The following CSMD2 variants were observed in gnomAD, a reference collection of about 807,000 sequenced individuals.
The protein encoded by CSMD2 is CUB and sushi domain-containing protein 2.
A neutral mutation model predicts 398.5 loss-of-function variants in CSMD2; 130 were observed. That is an observed-to-expected ratio of 0.33 (90% confidence interval 0.28 to 0.38). CSMD2 has a LOEUF of 0.38. Among genes scored for constraint, CSMD2 ranks in the 10% least tolerant of loss-of-function variants. The pLI is 1.00. For missense variants in CSMD2, 3,829 were observed against 4,764.9 expected (o/e 0.80, Z 5.78); for synonymous variants, 1,828 against 1,908.5 (o/e 0.96, Z 1.10).
At chr1:33,933,514 C>A (rs1644376294) in intron 4 of CSMD2, among the ~76,000 whole-genome samples, 1 of 152,208 alleles carries the variant, frequency 6.6e-6, no homozygotes, top group Non-Finnish European at 1.5e-5. Flanking sequence ...TATTTCATAA[C>A]TTAGACACTT....
chr1:33,901,656 T>G (rs1642765365), intron 5 of CSMD2, among the ~76,000 whole-genome samples: 1 of 152,180 alleles, frequency 6.6e-6, no homozygotes, highest in Non-Finnish European at 1.5e-5. Flanking sequence ...AGGCTAAACT[T>G]TAGCAGCTCC....
rs116139873 is a variant in CSMD2, at chr1:33,996,101, A to G, written c.517+36493T>C. Among the ~76,000 whole-genome samples the G allele has an allele frequency of 8.2e-3, 1,252 of 152,398 alleles. 19 individuals are homozygous for G. Among genetic ancestry groups the G allele is most frequent in the African/African-American group, 0.028 (1,184 of 41,594 alleles). ...AAAGGAAAAGAAATTCAAATGACCT[A>G]TGAAAATGGGCAAAGGATATGGACA... On this transcript the variant is annotated intron_variant, in intron 3 of 70. Transcript: ENST00000373381.
chr1:34,056,773 C>G (rs1653879815), intron 2 of CSMD2, among the ~76,000 whole-genome samples: 1 of 152,152 alleles, frequency 6.6e-6, no homozygotes, highest in Non-Finnish European at 1.5e-5. Context: ...AAGGATTTGG[C>G]TACAAGTGAG....
In CSMD2 at chr1:33,689,262, C is replaced by T. The variant is rs557916880; in HGVS notation, c.4052+3668G>A. ...CAGTGTCTTGCCACTCTATCTCCATCTTTCTGCAGCTCTCAGTGAAACTGG... is the reference window on the plus strand; with the variant it reads ...CAGTGTCTTGCCACTCTATCTCCATTTTTCTGCAGCTCTCAGTGAAACTGG... On this transcript the variant is annotated intron_variant, in intron 25 of 70. Coordinates refer to ENST00000373381, the MANE Select transcript of CSMD2 (RefSeq NM_001281956.2). 4.6e-5 allele frequency among the ~76,000 whole-genome samples: 7 copies of T among 152,314 alleles called. No individual in the cohort carries two copies. In the East Asian group the frequency reaches 1.4e-3, roughly 29 times the overall value.
intron 2 of CSMD2, among the ~76,000 whole-genome samples, chr1:34,053,705 G>A (rs531623641): frequency 6.6e-6 from 1 of 152,316 alleles, no homozygotes; most frequent in Non-Finnish European, 1.5e-5. Context: ...GAGTTTCTCT[G>A]CAAAGTGCAC....
intron 25 of CSMD2, among the ~76,000 whole-genome samples, chr1:33,683,820 G>C (rs1029074785): frequency 4.6e-5 from 7 of 152,214 alleles, no homozygotes; most frequent in South Asian, 4.1e-4. Flanking sequence ...ACTTAAATCT[G>C]ACAAAGGAAT....
At chr1:33,758,279 T>C (rs1236646864) in intron 13 of CSMD2, among the ~76,000 whole-genome samples, 1 of 152,220 alleles carries the variant, frequency 6.6e-6, no homozygotes, top group Non-Finnish European at 1.5e-5. Context: ...CCTTCCTAGC[T>C]GCAGTGATAG....
intron 64 of CSMD2, among the ~76,000 whole-genome samples, chr1:33,528,567 A>G (rs1318581016): frequency 6.6e-6 from 1 of 152,238 alleles, no homozygotes; most frequent in Non-Finnish European, 1.5e-5. Flanking sequence ...AGATGAATGG[A>G]GCAAAGAAGG....
At chr1:33,605,976 G>C in intron 41 of CSMD2, 1 of 1,613,028 alleles carries the variant, frequency 6.2e-7, no homozygotes, top group South Asian at 1.1e-5. Flanking sequence ...AATCTGGTGG[G>C]AGTAAGTCAA....
Position 33,527,275 on chromosome 1 carries a change from G to A in CSMD2, c.10172-17C>T, listed in dbSNP as rs1168749636. ...GCCGGACCTCTGCTGGGGAAAAAGA[G>A]TGGAAGAAAACAGGTTCAGCTTCTG... On this transcript the variant is annotated splice_polypyrimidine_tract_variant and intron_variant, in intron 64 of 70. Coordinates refer to ENST00000373381, the MANE Select transcript of CSMD2 (RefSeq NM_001281956.2). The A allele has an allele frequency of 6.2e-7, 1 of 1,607,786 alleles. No homozygotes were observed. Among genetic ancestry groups the A allele is most frequent in the African/African-American group, 1.3e-5 (1 of 74,720 alleles).
intron 1 of CSMD2, among the ~76,000 whole-genome samples, chr1:34,156,737 A>T (rs1640841980): frequency 6.6e-6 from 1 of 152,294 alleles, no homozygotes; most frequent in South Asian, 2.1e-4. Context: ...TCTCAGAGTA[A>T]TTTGGTGCTC....
chr1:33,667,431 G>A (rs1644352891), intron 25 of CSMD2, among the ~76,000 whole-genome samples: 1 of 152,188 alleles, frequency 6.6e-6, no homozygotes, highest in Non-Finnish European at 1.5e-5. Flanking sequence ...GGCTCTGAGA[G>A]GGTAGGTAAC....
chr1:33,580,517 C>G (rs1002501683), intron 48 of CSMD2, among the ~76,000 whole-genome samples: 1 of 152,156 alleles, frequency 6.6e-6, no homozygotes, highest in Non-Finnish European at 1.5e-5. Flanking sequence ...TAGGCATTAT[C>G]AGATCATATA....
At chr1:34,033,619 T>G (rs1007260292) in intron 2 of CSMD2, among the ~76,000 whole-genome samples, 2 of 152,222 alleles carry the variant, frequency 1.3e-5, no homozygotes. Flanking sequence ...TACACACCTT[T>G]GTCCTTAACC....
chr1:33,566,701 C>A (rs1659087214), intron 53 of CSMD2, among the ~76,000 whole-genome samples: 1 of 152,082 alleles, frequency 6.6e-6, no homozygotes, highest in Non-Finnish European at 1.5e-5. Context: ...AAAAAGTAAT[C>A]TTTAAAGGCT....
At chr1:33,591,556 T>C (rs1367186761) in intron 44 of CSMD2, among the ~76,000 whole-genome samples, 1 of 152,228 alleles carries the variant, frequency 6.6e-6, no homozygotes, top group Non-Finnish European at 1.5e-5. Context: ...CACCTGCTTT[T>C]TTTGCACTGA....
At chr1:33,558,405 G>T (rs370896884) in intron 54 of CSMD2, among the ~76,000 whole-genome samples, 1 of 152,118 alleles carries the variant, frequency 6.6e-6, no homozygotes, top group Non-Finnish European at 1.5e-5. Context: ...TAATATCCTG[G>T]GGGATATATT....
chr1:33,955,954 G>T (rs1412122005), intron 3 of CSMD2, among the ~76,000 whole-genome samples: 1 of 152,016 alleles, frequency 6.6e-6, no homozygotes, highest in African/African-American at 2.4e-5. Flanking sequence ...TCTCCACCTC[G>T]ACACTGGTAC....
At chr1:34,035,019 C>G (rs1286691535) in intron 2 of CSMD2, among the ~76,000 whole-genome samples, 1 of 152,100 alleles carries the variant, frequency 6.6e-6, no homozygotes, top group African/African-American at 2.4e-5. Flanking sequence ...TTTCACCTAT[C>G]TAGAGTTGGC....
Sources: allele counts gnomAD v4.1 joint callset (sites outside exome capture counted in the v4.1 genomes callset), GRCh38; gene constraint gnomAD v4.1.1; transcripts MANE v1.5; gene names NCBI Gene and HGNC (gene_info 2026-07-23, HGNC 2026-07-21).